TBCD: variants seen among roughly 807,000 people sequenced by gnomAD.
The protein encoded by TBCD is tubulin-specific chaperone D.
TBCD carries 105 observed loss-of-function variants against 169.3 expected under a neutral mutation model. That is an observed-to-expected ratio of 0.62 (90% CI 0.53 to 0.73). The LOEUF (loss-of-function observed/expected upper bound fraction) is 0.73, where lower values mean the gene tolerates loss of function less well. Among genes scored for constraint, TBCD ranks in the 30% least tolerant of loss-of-function variants. TBCD has a pLI of 0.00. For missense variants in TBCD, 1,444 were observed against 1,600.1 expected (o/e 0.90, Z 1.66); for synonymous variants, 700 against 643.9 (o/e 1.09, Z -1.32).
At chr17:82,763,111 TCTTA>T (rs1362436681) in intron 2 of TBCD, among the ~76,000 whole-genome samples, 2 of 152,170 alleles carry the variant, frequency 1.3e-5, no homozygotes, top group Non-Finnish European at 2.9e-5. Flanking sequence ...AGCGATTTTC[TCTTA>T]CTTGTTCTAT....
chr17:82,878,385 C>T (rs949166493), intron 14 of TBCD, among the ~76,000 whole-genome samples: 1 of 152,256 alleles, frequency 6.6e-6, no homozygotes, highest in African/African-American at 2.4e-5. Flanking sequence ...GCCATGTGCA[C>T]CAGGTCCCGT....
At position 82,930,308 on chromosome 17, in the gene TBCD, C is replaced by A; in HGVS notation, c.2992-214C>A. ...GTCCTAAGTGAGGGCTCAGGCTGAG[C>A]TGCCGTTGCCGAGAGCCTTGTGTCT... is the stretch of plus-strand genomic sequence containing the variant. On this transcript the variant is annotated intron_variant, in intron 32 of 38. Coordinates refer to ENST00000355528, the MANE Select transcript of TBCD (RefSeq NM_005993.5). This position sits in a 1 kb window ranked among gnomAD's most constrained non-coding sequence, Gnocchi z 5.2. 1.6e-6 allele frequency: 1 copy of A among 606,148 alleles called. No homozygotes were observed. The highest frequency in any genetic ancestry group is 2.8e-6 in the Non-Finnish European group (1 of 356,016). 37.5% of individuals were successfully genotyped at this position (606,148 alleles called of 1,614,324 possible). A position where few individuals can be genotyped will look rare whatever the true frequency, so the allele number is the denominator to read the frequency against.
rs768990105 is a variant in TBCD, at chr17:82,800,861, C to T, written c.818-3C>T. On this transcript the variant is annotated splice_region_variant and splice_polypyrimidine_tract_variant and intron_variant, in intron 8 of 38. Transcript: ENST00000355528. ...CTGCGCTGAGTCCAGTTCTTGTTTGCAGCTGCCACTGTCCTCAGGTGCCTC... is the reference window on the plus strand; with the variant it reads ...CTGCGCTGAGTCCAGTTCTTGTTTGTAGCTGCCACTGTCCTCAGGTGCCTC... The T allele has an allele frequency of 7.4e-6, 12 of 1,611,576 alleles. No individual in the cohort carries two copies. The highest frequency in any genetic ancestry group is 1.3e-5 in the African/African-American group (1 of 74,826).
chr17:82,828,154 GAC>G (rs35440006), intron 13 of TBCD, among the ~76,000 whole-genome samples: 950 of 71,030 alleles, frequency 0.013, 9 homozygotes, highest in African/African-American at 0.039. Flanking sequence ...TACACCCACA[GAC>G]ACACATGCAC....
chr17:82,831,992 C>T lies in TBCD; in HGVS notation c.1318+17058C>T. 6.2e-7 allele frequency: 1 copy of T among 1,612,968 alleles called. No individual in the cohort carries two copies. The highest frequency in any genetic ancestry group is 8.5e-7 in the Non-Finnish European group (1 of 1,179,082). On this transcript the variant is annotated intron_variant, in intron 13 of 38. Coordinates refer to ENST00000355528, the MANE Select transcript of TBCD (RefSeq NM_005993.5). The surrounding 1 kb of genome is among the most constrained non-coding windows in gnomAD (Gnocchi z 4.6). ...ACAAATGCAGAAGGCCGAGCTGCGC[C>T]TTCCAGAGCAGGCTGGGCACCGAGG...
intron 13 of TBCD, among the ~76,000 whole-genome samples, chr17:82,849,588 C>G (rs547135985): frequency 6.6e-6 from 1 of 152,318 alleles, no homozygotes; most frequent in African/African-American, 2.4e-5. Context: ...AAAGTAAGAA[C>G]CGCGTGGCAC....
At position 82,789,574 on chromosome 17, in the gene TBCD, A is replaced by G. The variant is rs1183198456; in HGVS notation, c.771+7853A>G. On this transcript the variant is annotated intron_variant, in intron 7 of 38. Transcript: ENST00000355528. The surrounding 1 kb of genome is among the most constrained non-coding windows in gnomAD (Gnocchi z 4.8). ...TCGTCCTGACCTGTGGCCCCTGTGC[A>G]GGTTGGGGTGCCCCTGCCCTCTCCC... Among the ~76,000 whole-genome samples the G allele has an allele frequency of 6.6e-6, 1 of 152,076 alleles. No individual in the cohort carries two copies. Among genetic ancestry groups the G allele is most frequent in the African/African-American group, 2.4e-5 (1 of 41,422 alleles).
chr17:82,843,274 C>A (rs1241028145), intron 13 of TBCD, among the ~76,000 whole-genome samples: 1 of 129,812 alleles, frequency 7.7e-6, no homozygotes, highest in African/African-American at 2.7e-5. Flanking sequence ...TCTGTGTTCC[C>A]TTCCCTTCCC....
rs1369397370 is a variant in TBCD, at chr17:82,903,544, GT to G, written c.1804+69del. The G allele has an allele frequency of 6.8e-7, 1 of 1,472,590 alleles. No homozygotes were observed. Among genetic ancestry groups the G allele is most frequent in the East Asian group, 2.5e-5 (1 of 40,336 alleles). 91.2% of individuals were successfully genotyped at this position (1,472,590 alleles called of 1,614,324 possible). A position where few individuals can be genotyped will look rare whatever the true frequency, so the allele number is the denominator to read the frequency against. On this transcript the variant is annotated intron_variant, in intron 19 of 38. Transcript: ENST00000355528. The surrounding 1 kb of genome is among the most constrained non-coding windows in gnomAD (Gnocchi z 4.8). ...CACTGCAGAAAGGCCTGGGTTGCTG[GT>G]TTCAAAGGCTGGGGGCTGAAAATAA...
intron 20 of TBCD, among the ~76,000 whole-genome samples, 178 bp from the exon 21 acceptor site, chr17:82,907,583 T>C (rs2060339477): frequency 6.6e-6 from 1 of 152,234 alleles, no homozygotes. Flanking sequence ...AGGTATGTCC[T>C]GCAGAGGTCT....
chr17:82,917,364 G>C (rs1454541717), intron 23 of TBCD, among the ~76,000 whole-genome samples: 1 of 151,920 alleles, frequency 6.6e-6, no homozygotes, highest in African/African-American at 2.4e-5. Context: ...GCCGTTAAAC[G>C]CATCCTTGAA....
intron 16 of TBCD, among the ~76,000 whole-genome samples, chr17:82,892,236 G>A (rs1322604330): frequency 3.3e-5 from 5 of 152,120 alleles, no homozygotes; most frequent in Admixed American, 6.5e-5. Context: ...GGGCCACCCC[G>A]GATGTTTCCC....
At chr17:82,883,416 T>C (rs2058508524) in intron 14 of TBCD, among the ~76,000 whole-genome samples, 1 of 152,246 alleles carries the variant, frequency 6.6e-6, no homozygotes, top group Non-Finnish European at 1.5e-5. Flanking sequence ...CGTTCTGGGT[T>C]ATTCACAGTA....
intron 14 of TBCD, among the ~76,000 whole-genome samples, chr17:82,883,701 C>G (rs984236532): frequency 9.8e-5 from 15 of 152,328 alleles, no homozygotes; most frequent in African/African-American, 3.1e-4. Context: ...CAGCCCCTGC[C>G]CCGGGGCATT....
chr17:82,801,692 C>T (rs112689241), intron 9 of TBCD, among the ~76,000 whole-genome samples: 9,341 of 117,242 alleles, frequency 0.08, 1,347 homozygotes, highest in African/African-American at 0.29. Context: ...AGGAGGGCGG[C>T]GTGTGCGTTG....
chr17:82,938,563 A>C (rs573054860), intron 36 of TBCD, among the ~76,000 whole-genome samples: 25 of 152,372 alleles, frequency 1.6e-4, no homozygotes, highest in African/African-American at 6.0e-4. Context: ...AGGCAAAAGT[A>C]ACTTCATGTT....
chr17:82,937,720 C>T, intron 35 of TBCD: 1 of 723,598 alleles, frequency 1.4e-6, no homozygotes, highest in Non-Finnish European at 2.2e-6. Flanking sequence ...CAGGTGGACA[C>T]TGGGCAGGTG....
At chr17:82,761,770 C>G (rs2047769476) in intron 2 of TBCD, among the ~76,000 whole-genome samples, 1 of 150,244 alleles carries the variant, frequency 6.7e-6, no homozygotes, top group Non-Finnish European at 1.5e-5. Context: ...GGCTGGAGTG[C>G]GGTGGAGTGC....
At chr17:82,901,750 G>C (rs1281733840) in intron 18 of TBCD, among the ~76,000 whole-genome samples, 2 of 152,212 alleles carry the variant, frequency 1.3e-5, no homozygotes, top group Non-Finnish European at 2.9e-5. Context: ...CTCCTGGGTA[G>C]CACTCGGGCT....
Sources: gnomAD v4.1 joint callset for allele counts (sites outside exome capture counted in the v4.1 genomes callset) on GRCh38, gnomAD v4.1.1 for gene constraint, Gnocchi (gnomAD v3.1) non-coding constraint, MANE v1.5 for transcripts, NCBI Gene and HGNC (gene_info 2026-07-23, HGNC 2026-07-21) for gene names.